ARFGEF1: variants seen among roughly 807,000 people sequenced by gnomAD.
The protein encoded by ARFGEF1 is brefeldin A-inhibited guanine nucleotide-exchange protein 1.
ARFGEF1 carries 42 observed loss-of-function variants against 231.0 expected under a neutral mutation model. That is an observed-to-expected ratio of 0.18 (90% confidence interval 0.14 to 0.24). The LOEUF (loss-of-function observed/expected upper bound fraction) is 0.24, where lower values mean the gene tolerates loss of function less well. Ranked by LOEUF, ARFGEF1 falls within the 10% of genes least tolerant of loss-of-function variation. The pLI, the probability that ARFGEF1 is intolerant of heterozygous loss-of-function variation, is 1.00. For missense variants in ARFGEF1, 1,345 were observed against 2,192.0 expected, an observed-to-expected ratio of 0.61 and a Z score of 7.72; for synonymous variants, 710 against 732.3, an observed-to-expected ratio of 0.97 and a Z score of 0.49.
intron 5 of ARFGEF1, among the ~76,000 whole-genome samples, chr8:67,179,665 T>C (rs1377259627): frequency 5.3e-5 from 8 of 152,224 alleles, no homozygotes. Context: ...CTTCTGTTGC[T>C]ATCACCGTCT....
At chr8:67,222,554 G>A (rs141751099) in intron 29 of ARFGEF1, among the ~76,000 whole-genome samples, 2,466 of 151,906 alleles carry the variant, frequency 0.016, 70 homozygotes, top group African/African-American at 0.057. Flanking sequence ...AGGTTCAAGC[G>A]ATTCTCCTGC....
chr8:67,240,741 T>G (rs1403790537), intron 19 of ARFGEF1, among the ~76,000 whole-genome samples: 1 of 152,180 alleles, frequency 6.6e-6, no homozygotes, highest in African/African-American at 2.4e-5. Context: ...TTTAGCCTAA[T>G]TTTTAAAAAA....
downstream of ARFGEF1, among the ~76,000 whole-genome samples, chr8:67,196,692 C>CTGT (rs1838001207): frequency 1.3e-5 from 2 of 152,108 alleles, no homozygotes; most frequent in African/African-American, 4.8e-5. Flanking sequence ...AAAATTTGTT[C>CTGT]TGTTGTCATC....
At chr8:67,216,156 A>G (rs1438910086) in intron 33 of ARFGEF1, among the ~76,000 whole-genome samples, 1 of 152,218 alleles carries the variant, frequency 6.6e-6, no homozygotes, top group Non-Finnish European at 1.5e-5. Context: ...ATCTTCTTAA[A>G]AGAGTCAAAC....
chr8:67,210,183 A>G (rs945529187), intron 34 of ARFGEF1, among the ~76,000 whole-genome samples: 6 of 149,664 alleles, frequency 4.0e-5, no homozygotes, highest in African/African-American at 7.4e-5. Flanking sequence ...AAGAAAAACA[A>G]TAGGGTGCTC....
intron 29 of ARFGEF1, among the ~76,000 whole-genome samples, chr8:67,223,129 C>T (rs1014802216): frequency 3.9e-5 from 6 of 152,182 alleles, no homozygotes; most frequent in African/African-American, 1.4e-4. Flanking sequence ...ATCCCCAAAT[C>T]TAGAGAATTT....
chr8:67,256,708 A>C (rs535061953), intron 17 of ARFGEF1, among the ~76,000 whole-genome samples: 1 of 152,348 alleles, frequency 6.6e-6, no homozygotes, highest in South Asian at 2.1e-4. Context: ...ACTAAGCAAA[A>C]AATACTAAAA....
intron 5 of ARFGEF1, among the ~76,000 whole-genome samples, chr8:67,183,263 C>T (rs1020990491): frequency 6.6e-6 from 1 of 152,164 alleles, no homozygotes. Flanking sequence ...TCAGTAAGGA[C>T]GTAGTTGAGT....
intron 28 of ARFGEF1, 152 bp downstream of exon 28, chr8:67,225,871 C>T (rs2128871080): frequency 2.7e-6 from 2 of 741,584 alleles, no homozygotes; most frequent in South Asian, 2.4e-5. Flanking sequence ...GTTATAATCA[C>T]TAACCATCCT....
downstream of ARFGEF1, chr8:67,174,158 T>C (rs138412573): frequency 1.8e-3 from 273 of 152,234 alleles, 4 homozygotes; most frequent in African/African-American, 6.4e-3. Context: ...CTTGCCCTCA[T>C]TCACCCATGA....
At chr8:67,307,886 A>G (rs757679081) in intron 1 of ARFGEF1, among the ~76,000 whole-genome samples, 2 of 152,224 alleles carry the variant, frequency 1.3e-5, no homozygotes, top group Non-Finnish European at 2.9e-5. Context: ...TGGAAGTGAC[A>G]GTGAACAACA....
At position 67,240,197 on chromosome 8, in the gene ARFGEF1, A is replaced by G. The variant is rs201419316; in HGVS notation, c.2944T>C (p.Cys982Arg). 14 of 1,612,342 alleles carry G rather than the reference A, an allele frequency of 8.7e-6. No homozygotes were observed. ...AAAATGCATGCAATTCTGATTGCAC[A>G]TCTTATACCTTCCAGGCAAAGAGAG... ...VASLCLEGIR[C>R]AIRIACIFSI... is the part of the protein sequence containing the mutation. The change falls in exon 20 of 39, where the codon TGT becomes CGT. Residue 982 changes from cysteine to arginine, a missense_variant. Transcript: ENST00000262215.
At chr8:67,315,787 A>G (rs922044169) in intron 1 of ARFGEF1, among the ~76,000 whole-genome samples, 3 of 152,164 alleles carry the variant, frequency 2.0e-5, no homozygotes, top group African/African-American at 7.2e-5. Context: ...AACTCAATAA[A>G]AATAAAAATA....
At chr8:67,257,165 G>A (rs759374617) in intron 17 of ARFGEF1, among the ~76,000 whole-genome samples, 2 of 151,652 alleles carry the variant, frequency 1.3e-5, no homozygotes, top group Non-Finnish European at 1.5e-5. Context: ...TGTATGACTT[G>A]TGCCTCCCAG....
intron 22 of ARFGEF1, among the ~76,000 whole-genome samples, chr8:67,236,155 A>G (rs1453759492): frequency 2.0e-5 from 3 of 149,528 alleles, no homozygotes; most frequent in African/African-American, 7.4e-5. Context: ...CAAACAAACA[A>G]ACAACAAAAA....
chr8:67,179,730 A>T, intron 5 of ARFGEF1: 1 of 611,266 alleles, frequency 1.6e-6, no homozygotes, highest in Non-Finnish European at 2.9e-6. Flanking sequence ...ATTGGAATGT[A>T]GTCAGTCCTA....
chr8:67,315,110 C>T (rs540062831), intron 1 of ARFGEF1, among the ~76,000 whole-genome samples: 5 of 152,114 alleles, frequency 3.3e-5, no homozygotes, highest in African/African-American at 9.6e-5. Context: ...AGAAAGCAGG[C>T]GTGGCTGTAT....
At chr8:67,296,366 A>G in intron 5 of ARFGEF1, 65 bp downstream of exon 5, 2 of 1,433,632 alleles carry the variant, frequency 1.4e-6, no homozygotes, top group Non-Finnish European at 1.9e-6. Flanking sequence ...TAATTACTGT[A>G]AACTCCTTTC....
chr8:67,243,665 G>A (rs1490246074), intron 19 of ARFGEF1, among the ~76,000 whole-genome samples: 1 of 152,138 alleles, frequency 6.6e-6, no homozygotes, highest in African/African-American at 2.4e-5. Flanking sequence ...CCCAGACTGA[G>A]AAGACTACAA....
Sources: gnomAD v4.1 joint callset for allele counts (sites outside exome capture counted in the v4.1 genomes callset) on GRCh38, gnomAD v4.1.1 for gene constraint, MANE v1.5 for transcripts, NCBI Gene and HGNC (gene_info 2026-07-23, HGNC 2026-07-21) for gene names.